The following EML6 variants were observed in gnomAD, a reference collection of about 807,000 sequenced individuals.
EML6 encodes the protein echinoderm microtubule-associated protein-like 6.
Under a neutral mutation model 240.1 loss-of-function variants are expected in EML6, and 154 were observed. The ratio of observed to expected loss-of-function variants is 0.64; its 90% CI spans 0.56 to 0.73. The LOEUF is 0.73. EML6 is among the 30% of genes least tolerant of loss of function. EML6 has a pLI of 0.00. For synonymous variants in EML6, 1,148 were observed against 899.0 expected (o/e 1.28, Z -4.95); for missense variants, 2,964 against 2,474.6 (o/e 1.20, Z -4.20).
chr2:54,802,406 G>A (rs574765411), intron 2 of EML6, among the ~76,000 whole-genome samples: 184 of 151,542 alleles, frequency 1.2e-3, no homozygotes, highest in African/African-American at 4.1e-3. Context: ...CGGGCAGATC[G>A]CTTGAGCCCA....
chr2:54,797,865 T>A (rs1669906168), intron 2 of EML6, among the ~76,000 whole-genome samples: 1 of 152,230 alleles, frequency 6.6e-6, no homozygotes, highest in South Asian at 2.1e-4. Flanking sequence ...TTAATCCTTA[T>A]GCCAATAGCA....
chr2:54,928,251 TA>T, intron 26 of EML6, 61 bp from the exon 27 acceptor site: 1 of 1,294,940 alleles, frequency 7.7e-7, no homozygotes, highest in Non-Finnish European at 1.1e-6. Flanking sequence ...CTAACATGGA[TA>T]AACGAGCCCA....
At position 54,801,606 on chromosome 2, in the gene EML6, T is replaced by G. The variant is rs56074853; in HGVS notation, c.198-11626T>G. 1.5e-3 allele frequency among the ~76,000 whole-genome samples: 228 copies of G among 152,370 alleles called. 2 individuals are homozygous for G. The highest frequency in any genetic ancestry group is 3.5e-3 in the Admixed American group (54 of 15,310). On this transcript the variant is annotated intron_variant, in intron 2 of 41. Coordinates refer to ENST00000356458, the MANE Select transcript of EML6 (RefSeq NM_001039753.4). ...ATCCGTTTCCCCATGAAACCATTTCTGTTGAACTAAAATACAAAGGAAAAT... is the reference window on the plus strand; with the variant it reads ...ATCCGTTTCCCCATGAAACCATTTCGGTTGAACTAAAATACAAAGGAAAAT...
chr2:54,931,016 G>A (rs2104401768), intron 28 of EML6, among the ~76,000 whole-genome samples: 1 of 143,094 alleles, frequency 7.0e-6, no homozygotes, highest in African/African-American at 2.6e-5. Context: ...GGAGTGCAGT[G>A]GCGCGATCTC....
upstream of EML6, chr2:54,723,613 C>T (rs1317748547): frequency 6.6e-6 from 1 of 152,284 alleles, no homozygotes; most frequent in African/African-American, 2.4e-5. Context: ...GTTGTGGCCC[C>T]GCCCCCGGAG....
chr2:54,725,311 G>T lies in EML6; in HGVS notation c.197+53G>T. On this transcript the variant is annotated intron_variant, in intron 2 of 41. Transcript: ENST00000356458. This position sits in a 1 kb window ranked among gnomAD's most constrained non-coding sequence, Gnocchi z 4.3. The stretch of plus-strand genomic sequence containing the variant: ...AGGGGTTGCGTGTGGAGGCTGGGAA[G>T]GTGGGAAGCGGTTGACCTGGGGTCG... 1 of 1,315,736 alleles carries T rather than the reference G, an allele frequency of 7.6e-7. No homozygotes were observed. Among genetic ancestry groups the T allele is most frequent in the Non-Finnish European group, 1.0e-6 (1 of 999,890 alleles). 81.5% of individuals were successfully genotyped at this position (1,315,736 alleles called of 1,614,324 possible).
chr2:54,869,262 C>G lies in EML6; in HGVS notation c.2133C>G (p.Val711=), dbSNP rs373878919. The change falls in exon 15 of 42, where the codon GTC becomes GTG. Residue 711 remains valine, a synonymous_variant. Transcript: ENST00000356458. The stretch of plus-strand genomic sequence containing the variant: ...TCTACCACATTGCTGCAGTTGCTGT[C>G]GTGTATAATCGGCAGCAGCACTCCC... The part of the protein sequence containing the change: ...EVVYHIAAVA[V]VYNRQQHSQR... 6.4e-7 allele frequency: 1 copy of G among 1,551,372 alleles called. No individual in the cohort carries two copies. Among genetic ancestry groups the G allele is most frequent in the East Asian group, 2.4e-5 (1 of 40,924 alleles).
intron 26 of EML6, among the ~76,000 whole-genome samples, chr2:54,926,420 G>C (rs1023579908): frequency 6.6e-6 from 1 of 152,222 alleles, no homozygotes; most frequent in Admixed American, 6.5e-5. Flanking sequence ...GGTTTTTCTG[G>C]TGCTATCATC....
At chr2:54,878,110 A>G (rs922383960) in intron 16 of EML6, among the ~76,000 whole-genome samples, 3 of 152,256 alleles carry the variant, frequency 2.0e-5, no homozygotes, top group African/African-American at 7.2e-5. Flanking sequence ...TATGTAATAT[A>G]CATATAAATA....
intron 18 of EML6, among the ~76,000 whole-genome samples, chr2:54,892,146 G>GAC (rs1672504332): frequency 6.6e-6 from 1 of 152,206 alleles, no homozygotes; most frequent in South Asian, 2.1e-4. Context: ...CTTGGACTGA[G>GAC]ATGCATATTG....
At chr2:54,770,494 G>A (rs571225070) in intron 2 of EML6, among the ~76,000 whole-genome samples, 8 of 152,238 alleles carry the variant, frequency 5.3e-5, no homozygotes, top group African/African-American at 1.2e-4. Flanking sequence ...TTCTGTAATA[G>A]AGAAACCACA....
At chr2:54,755,849 G>A (rs565132031) in intron 2 of EML6, among the ~76,000 whole-genome samples, 44 of 151,940 alleles carry the variant, frequency 2.9e-4, no homozygotes, top group African/African-American at 9.4e-4. Flanking sequence ...TAGTAGAGAC[G>A]GAGTTTCATC....
In EML6 at chr2:54,853,867, A is replaced by G; in HGVS notation, c.1657+12A>G. On this transcript the variant is annotated intron_variant, in intron 11 of 41. Coordinates refer to ENST00000356458, the MANE Select transcript of EML6 (RefSeq NM_001039753.4). The stretch of plus-strand genomic sequence containing the variant: ...TTGTCTCAAGAGAGGTAAGGCCAAA[A>G]GAGATGTTTCATTGCATAAAGATTT... The G allele has an allele frequency of 6.5e-7, 1 of 1,528,706 alleles. No individual in the cohort carries two copies. The highest frequency in any genetic ancestry group is 8.9e-7 in the Non-Finnish European group (1 of 1,126,938). The allele number at this position is 1,528,706 out of a possible 1,614,324, so 94.7% of individuals were successfully genotyped here. A position where few individuals can be genotyped will look rare whatever the true frequency, so the allele number is the denominator to read the frequency against.
intron 11 of EML6, among the ~76,000 whole-genome samples, chr2:54,857,207 G>T (rs533916059): frequency 1.3e-5 from 2 of 152,322 alleles, no homozygotes; most frequent in South Asian, 2.1e-4. Context: ...CATCCGGGTG[G>T]ACGTGGCACA....
At chr2:54,777,090 T>A (rs759638188) in intron 2 of EML6, among the ~76,000 whole-genome samples, 6 of 152,232 alleles carry the variant, frequency 3.9e-5, no homozygotes, top group Non-Finnish European at 8.8e-5. Flanking sequence ...AGCTTTGCTG[T>A]CCACATCGCC....
At chr2:54,862,446 G>A (rs923891975) in intron 12 of EML6, among the ~76,000 whole-genome samples, 4 of 148,354 alleles carry the variant, frequency 2.7e-5, no homozygotes, top group African/African-American at 1.0e-4. Flanking sequence ...CAGAAGAAAG[G>A]AACAGTGAAC....
chr2:54,753,725 G>A (rs1684276747), intron 2 of EML6, among the ~76,000 whole-genome samples: 1 of 150,408 alleles, frequency 6.6e-6, no homozygotes, highest in Admixed American at 6.6e-5. Context: ...GAGTGCAGTG[G>A]TACAGTCATA....
At chr2:54,773,448 C>T (rs936002718) in intron 2 of EML6, among the ~76,000 whole-genome samples, 1 of 152,252 alleles carries the variant, frequency 6.6e-6, no homozygotes, top group Non-Finnish European at 1.5e-5. Context: ...CAGTCTTCCC[C>T]TCCTGGGCCA....
rs541382616 is a variant in EML6 at position 54,731,127 on chromosome 2, A to G, written c.197+5869A>G. Among the ~76,000 whole-genome samples, 51 of 152,306 alleles carry G rather than the reference A, an allele frequency of 3.3e-4. No homozygotes were observed. In the South Asian group the frequency reaches 9.9e-3, roughly 30 times the overall value. ...ACAGGTGAAGATGTAGTGGCAGAGA[A>G]GAGGTTATGTGCAAAAGTGCCAGGG... is the stretch of plus-strand genomic sequence containing the variant. On this transcript the variant is annotated intron_variant, in intron 2 of 41. Coordinates refer to ENST00000356458, the MANE Select transcript of EML6 (RefSeq NM_001039753.4).
Sources: gnomAD v4.1 joint callset for allele counts (sites outside exome capture counted in the v4.1 genomes callset) on GRCh38, gnomAD v4.1.1 for gene constraint, Gnocchi (gnomAD v3.1) non-coding constraint, MANE v1.5 for transcripts, NCBI Gene and HGNC (gene_info 2026-07-23, HGNC 2026-07-21) for gene names.